Variants in OR9Q1 observed in about 807,000 individuals in gnomAD.
OR9Q1 encodes the protein olfactory receptor family 9 subfamily Q member 1.
For synonymous variants in OR9Q1, 153 were observed against 148.6 expected (o/e 1.03, Z -0.22); for missense variants, 374 against 378.8 (o/e 0.99, Z 0.11).
At position 58,053,299 on chromosome 11, in the gene OR9Q1, G is replaced by A. The variant is rs796845066; in HGVS notation, c.-92-2571G>A. On this transcript the variant is annotated intron_variant, in intron 1 of 2. Transcript: ENST00000335397. ...AATGATGAGTTCATGTACTTTGCAG[G>A]GACATGGATGAAATTGGAAATCATC... Among the ~76,000 whole-genome samples the A allele has an allele frequency of 2.6e-3, 398 of 151,684 alleles. 6 individuals carry two copies. In the East Asian group the frequency reaches 0.036, roughly 14 times the overall value.
intron 2 of OR9Q1, among the ~76,000 whole-genome samples, chr11:58,072,221 A>G (rs1301945904): frequency 6.6e-6 from 1 of 152,252 alleles, no homozygotes; most frequent in Non-Finnish European, 1.5e-5. Context: ...AGACAACTTT[A>G]AAAGAATTGC....
chr11:58,167,125 C>T (rs1854512652), intron 2 of OR9Q1, among the ~76,000 whole-genome samples: 1 of 152,174 alleles, frequency 6.6e-6, no homozygotes, highest in Admixed American at 6.5e-5. Context: ...GCAGTATTTG[C>T]AGCAATGTGG....
rs116950157 is a variant in OR9Q1, at chr11:58,039,416, C to G, written c.-93+15312C>G. ...CTTTTGGTAGGAACTTAAAATGAATCTCATTGCCCAGAAATGTGGTTGCCT... is the reference window on the plus strand; with the variant it reads ...CTTTTGGTAGGAACTTAAAATGAATGTCATTGCCCAGAAATGTGGTTGCCT... On this transcript the variant is annotated intron_variant, in intron 1 of 2. Coordinates refer to ENST00000335397, the MANE Select transcript of OR9Q1 (RefSeq NM_001005212.4). Among the ~76,000 whole-genome samples the G allele has an allele frequency of 5.3e-5, 8 of 152,330 alleles. No individual in the cohort carries two copies. In the East Asian group the frequency reaches 1.5e-3, roughly 29 times the overall value.
chr11:58,159,917 G>C (rs1210702578), intron 2 of OR9Q1, among the ~76,000 whole-genome samples: 1 of 152,176 alleles, frequency 6.6e-6, no homozygotes, highest in Non-Finnish European at 1.5e-5. Flanking sequence ...TGGGGTCTAT[G>C]ATCTTTTCTC....
intron 2 of OR9Q1, among the ~76,000 whole-genome samples, chr11:58,105,227 C>T (rs1853828589): frequency 6.6e-6 from 1 of 152,098 alleles, no homozygotes; most frequent in Non-Finnish European, 1.5e-5. Flanking sequence ...GTAAGATAGA[C>T]ACTAATAATA....
chr11:58,164,528 A>C (rs1854483975), intron 2 of OR9Q1, among the ~76,000 whole-genome samples: 1 of 152,194 alleles, frequency 6.6e-6, no homozygotes, highest in African/African-American at 2.4e-5. Context: ...CTTCAGGGAA[A>C]GGTGAGATGG....
intron 2 of OR9Q1, among the ~76,000 whole-genome samples, chr11:58,069,164 C>A (rs923771464): frequency 3.3e-5 from 5 of 151,928 alleles, no homozygotes; most frequent in African/African-American, 1.2e-4. Flanking sequence ...ATGGGAGACT[C>A]CATGCCTCAC....
At chr11:58,041,510 C>G (rs1322665438) in intron 1 of OR9Q1, 1 of 153,024 alleles carries the variant, frequency 6.5e-6, no homozygotes, top group Non-Finnish European at 1.5e-5. Flanking sequence ...TGGTGTCAGA[C>G]GAAGATGCCT....
At chr11:58,071,339 T>G (rs1252703821) in intron 2 of OR9Q1, among the ~76,000 whole-genome samples, 1 of 151,960 alleles carries the variant, frequency 6.6e-6, no homozygotes, top group Non-Finnish European at 1.5e-5. Flanking sequence ...AATACAAAAA[T>G]TAGCCAGGCG....
chr11:58,170,623 A>G (rs1490733553), intron 2 of OR9Q1, among the ~76,000 whole-genome samples: 1 of 152,050 alleles, frequency 6.6e-6, no homozygotes, highest in Non-Finnish European at 1.5e-5. Context: ...CCCAGTGGAG[A>G]TAATGAGTCA....
intron 1 of OR9Q1, among the ~76,000 whole-genome samples, chr11:58,035,542 TATA>T (rs1853093295): frequency 6.6e-6 from 1 of 152,214 alleles, no homozygotes; most frequent in Non-Finnish European, 1.5e-5. Context: ...AAAAGACATT[TATA>T]ATAATCATTT....
intron 2 of OR9Q1, among the ~76,000 whole-genome samples, chr11:58,091,494 C>T (rs937335275): frequency 6.6e-6 from 1 of 152,122 alleles, no homozygotes; most frequent in African/African-American, 2.4e-5. Context: ...TTTGGTTGTA[C>T]TGTGGTCTGA....
intron 2 of OR9Q1, among the ~76,000 whole-genome samples, chr11:58,161,396 A>G (rs1854456330): frequency 6.6e-6 from 1 of 152,104 alleles, no homozygotes; most frequent in Admixed American, 6.5e-5. Flanking sequence ...GAATGAGGCA[A>G]TGGCGTAATA....
At chr11:58,131,259 T>C (rs185546079) in intron 2 of OR9Q1, among the ~76,000 whole-genome samples, 1 of 152,118 alleles carries the variant, frequency 6.6e-6, no homozygotes, top group Non-Finnish European at 1.5e-5. Context: ...CTGGCCTGTG[T>C]GGAAACCACC....
At chr11:58,109,482 G>T (rs1248368480) in intron 2 of OR9Q1, 1 of 463,342 alleles carries the variant, frequency 2.2e-6, no homozygotes, top group Admixed American at 2.3e-5. Context: ...TCAGGAAGAA[G>T]TACACGGGGG....
chr11:58,129,368 T>C, intron 2 of OR9Q1, among the ~76,000 whole-genome samples: 1 of 152,076 alleles, frequency 6.6e-6, no homozygotes, highest in Non-Finnish European at 1.5e-5. Flanking sequence ...TACTCTTGCC[T>C]CTCTATAATC....
At chr11:58,158,391 AT>A (rs1335011588) in intron 2 of OR9Q1, among the ~76,000 whole-genome samples, 1 of 148,286 alleles carries the variant, frequency 6.7e-6, no homozygotes, top group African/African-American at 2.5e-5. Flanking sequence ...GGTCTGGGTC[AT>A]GTGATATAAA....
intron 2 of OR9Q1, among the ~76,000 whole-genome samples, chr11:58,099,727 A>C (rs1448451460): frequency 6.6e-6 from 1 of 152,036 alleles, no homozygotes; most frequent in African/African-American, 2.4e-5. Flanking sequence ...GATGTGACCC[A>C]GTTTAAGTTT....
chr11:58,100,031 C>T (rs1387686644), intron 2 of OR9Q1, among the ~76,000 whole-genome samples: 1 of 152,112 alleles, frequency 6.6e-6, no homozygotes, highest in African/African-American at 2.4e-5. Flanking sequence ...AGTTTCTGTT[C>T]CACATAGTGT....
Sources: gnomAD v4.1 joint callset for allele counts (sites outside exome capture counted in the v4.1 genomes callset) on GRCh38, gnomAD v4.1.1 for gene constraint, MANE v1.5 for transcripts, NCBI Gene and HGNC (gene_info 2026-07-23, HGNC 2026-07-21) for gene names.